The following LARGE1 variants were observed in gnomAD, a reference collection of about 807,000 sequenced individuals.
LARGE1 encodes xylosyl- and glucuronyltransferase LARGE1.
Under a neutral mutation model 87.6 loss-of-function variants are expected in LARGE1, and 43 were observed. The observed-to-expected ratio is 0.49, with a 90% CI of 0.38 to 0.63. LARGE1 has a LOEUF of 0.63. Among genes scored for constraint, LARGE1 ranks in the 30% least tolerant of loss-of-function variants. LARGE1 has a pLI of 0.00. For missense variants in LARGE1, 802 were observed against 1,000.2 expected (o/e 0.80, Z 2.67); for synonymous variants, 434 against 394.6 (o/e 1.10, Z -1.18).
At chr22:33,903,036 G>A (rs2065329171) in intron 1 of LARGE1, among the ~76,000 whole-genome samples, 1 of 152,178 alleles carries the variant, frequency 6.6e-6, no homozygotes, top group African/African-American at 2.4e-5. Flanking sequence ...GGAGGCTGAG[G>A]GAGGAGACAC....
At chr22:33,394,800 A>AG (rs141463305) in intron 7 of LARGE1, among the ~76,000 whole-genome samples, 11,289 of 151,636 alleles carry the variant, frequency 0.074, 607 homozygotes, top group Admixed American at 0.19. Flanking sequence ...TTGCTGAATC[A>AG]GGGGTCTAAA....
intron 2 of LARGE1, chr22:33,726,128 G>A (rs1414705407): frequency 1.3e-5 from 2 of 149,292 alleles, no homozygotes; most frequent in Non-Finnish European, 3.0e-5. Flanking sequence ...GAGGAAACTG[G>A]GCCCTGAGAC....
chr22:33,848,585 G>A (rs893846348), intron 1 of LARGE1, among the ~76,000 whole-genome samples: 4 of 152,058 alleles, frequency 2.6e-5, no homozygotes, highest in Non-Finnish European at 5.9e-5. Flanking sequence ...GGCTCTTCCT[G>A]AAGCCGCGTT....
chr22:33,378,536 T>C (rs2065057836), intron 9 of LARGE1, among the ~76,000 whole-genome samples: 1 of 152,224 alleles, frequency 6.6e-6, no homozygotes, highest in Non-Finnish European at 1.5e-5. Flanking sequence ...TGGCCTATTG[T>C]CCCTCTGTAT....
Position 33,441,071 on chromosome 22 carries a change from C to CTTTTTTTTTTTTTTTTTTTTTTTT in LARGE1, c.788-8807_788-8806insAAAAAAAAAAAAAAAAAAAAAAAA, listed in dbSNP as rs35976426. On this transcript the variant is annotated intron_variant, in intron 6 of 14. Transcript: ENST00000397394. ...CTCAGCTGCTGCTATTTTGTTTGAACTTTTTTTTTTTTTTTTTTTTGAGAG... is the reference window on the plus strand; with the variant it reads ...CTCAGCTGCTGCTATTTTGTTTGAACTTTTTTTTTTTTTTTTTTTTTTTTTTTTTTTTTTTTTTTTTTTTGAGAG... Among the ~76,000 whole-genome samples, 14 of 98,522 alleles carry CTTTTTTTTTTTTTTTTTTTTTTTT rather than the reference C, an allele frequency of 1.4e-4. 1 individual carries two copies. The highest frequency in any genetic ancestry group is 6.4e-4 in the African/African-American group (13 of 20,394). 64.6% of individuals were successfully genotyped at this position (98,522 alleles called of 152,430 possible).
At chr22:33,693,768 G>A (rs1056494072) in intron 2 of LARGE1, among the ~76,000 whole-genome samples, 4 of 152,082 alleles carry the variant, frequency 2.6e-5, no homozygotes, top group African/African-American at 9.7e-5. Context: ...AAGTTGCAGT[G>A]AGCCAAGATT....
intron 1 of LARGE1, among the ~76,000 whole-genome samples, chr22:33,813,303 C>T (rs1328031400): frequency 6.6e-6 from 1 of 152,046 alleles, no homozygotes; most frequent in East Asian, 1.9e-4. Flanking sequence ...ACAAGCTTCC[C>T]CAGGCAAGAC....
At chr22:33,135,600 G>A in the LARGE1 span, among the ~76,000 whole-genome samples, 85 of 152,286 alleles carry the variant, frequency 5.6e-4, 1 homozygote, top group Non-Finnish European at 1.1e-3. Flanking sequence ...AGCACTTTGG[G>A]AGACGGAGGT....
At chr22:33,626,697 A>T (rs1185759234) in intron 3 of LARGE1, among the ~76,000 whole-genome samples, 2 of 152,184 alleles carry the variant, frequency 1.3e-5, no homozygotes, top group Non-Finnish European at 2.9e-5. Flanking sequence ...ACAATCAGGG[A>T]TCTCAGACTA....
intron 9 of LARGE1, among the ~76,000 whole-genome samples, chr22:33,373,967 C>T (rs1296979385): frequency 7.2e-4 from 69 of 95,866 alleles, no homozygotes; most frequent in Non-Finnish European, 3.7e-4. Flanking sequence ...AGTGAGACTC[C>T]GTCTCAAAAA....
At chr22:33,130,643 A>G in the LARGE1 span, among the ~76,000 whole-genome samples, 1 of 152,286 alleles carries the variant, frequency 6.6e-6, no homozygotes, top group East Asian at 1.9e-4. Flanking sequence ...CACTAGCCCC[A>G]GGTCAGGAGA....
At chr22:33,259,695 G>A (rs1370179332) in intron 11 of LARGE1, among the ~76,000 whole-genome samples, 2 of 152,132 alleles carry the variant, frequency 1.3e-5, no homozygotes, top group Non-Finnish European at 2.9e-5. Flanking sequence ...GGCCCATCCT[G>A]GCTTCTCCAA....
chr22:33,653,317 T>A (rs112000031), intron 2 of LARGE1, among the ~76,000 whole-genome samples: 8 of 152,322 alleles, frequency 5.3e-5, no homozygotes, highest in African/African-American at 1.9e-4. Context: ...TCCTATTATG[T>A]TGCAGTTTGA....
Position 33,752,750 on chromosome 22 carries a change from C to A in LARGE1, c.106+8621G>T, listed in dbSNP as rs561265325. Among the ~76,000 whole-genome samples the A allele has an allele frequency of 2.8e-4, 43 of 152,316 alleles. No individual in the cohort carries two copies. In the South Asian group the frequency reaches 8.5e-3, roughly 30 times the overall value. On this transcript the variant is annotated intron_variant, in intron 2 of 14. Coordinates refer to ENST00000397394, the MANE Select transcript of LARGE1 (RefSeq NM_133642.5). ...ATGGAGAGAATGTGGGAGCATGGGA[C>A]TGTGGGAAAGTGGTATGGAAGGCGG... is the stretch of plus-strand genomic sequence containing the variant.
downstream of LARGE1, among the ~76,000 whole-genome samples, chr22:33,161,009 C>T (rs1243218967): frequency 1.3e-5 from 2 of 152,206 alleles, no homozygotes; most frequent in African/African-American, 4.8e-5. Flanking sequence ...CTGCCTGAGA[C>T]TGAGTAATTT....
rs1157456200 is a variant in LARGE1, at chr22:33,283,444, T to C, written c.1731-96A>G. ...CGGGGTGGTCATTGGCCCGGGGAAG[T>C]GTGGGAAAGAAAGCTCAGGTCATCC... On this transcript the variant is annotated intron_variant, in intron 12 of 14. Transcript: ENST00000397394. 8 of 1,387,108 alleles carry C rather than the reference T, an allele frequency of 5.8e-6. No individual in the cohort carries two copies. The Admixed American group carries it at 1.2e-4, about 21-fold the overall frequency. 85.9% of individuals were successfully genotyped at this position (1,387,108 alleles called of 1,614,324 possible). A position where few individuals can be genotyped will look rare whatever the true frequency, so the allele number is the denominator to read the frequency against.
chr22:33,532,964 C>A (rs1254700325), intron 6 of LARGE1, among the ~76,000 whole-genome samples: 2 of 152,006 alleles, frequency 1.3e-5, no homozygotes, highest in Non-Finnish European at 2.9e-5. Context: ...CAAAGTGGTG[C>A]GTGTTGAATC....
At chr22:33,775,902 T>G (rs1016781065) in intron 1 of LARGE1, among the ~76,000 whole-genome samples, 1 of 143,056 alleles carries the variant, frequency 7.0e-6, no homozygotes. Flanking sequence ...CAGCATCGGG[T>G]GGGTCAAGGT....
At chr22:33,862,696 G>A (rs772794873) in intron 1 of LARGE1, among the ~76,000 whole-genome samples, 79 of 152,156 alleles carry the variant, frequency 5.2e-4, no homozygotes, top group African/African-American at 7.2e-4. Context: ...ACGTGTCCTC[G>A]GGGGCCACCA....
Sources: gnomAD v4.1 joint callset for allele counts (sites outside exome capture counted in the v4.1 genomes callset) on GRCh38, gnomAD v4.1.1 for gene constraint, MANE v1.5 for transcripts, NCBI Gene and HGNC (gene_info 2026-07-23, HGNC 2026-07-21) for gene names.